Variants in ZNF677 observed in about 807,000 individuals in gnomAD.
ZNF677 encodes hypothetical protein MGC48625.
A neutral mutation model predicts 8.1 loss-of-function variants in ZNF677; 5 were observed. The observed-to-expected ratio is 0.62, with a 90% confidence interval of 0.32 to 1.29. The LOEUF (loss-of-function observed/expected upper bound fraction) is 1.29. ZNF677 is among the 50% of genes most tolerant of loss of function. The probability of loss-of-function intolerance (pLI) is 0.05; values close to 1 mark genes in which losing one functional copy is unlikely to be tolerated. For missense variants in ZNF677, 685 were observed against 685.9 expected (o/e 1.00, Z 0.01); for synonymous variants, 221 against 225.6 (o/e 0.98, Z 0.18).
At chr19:53,239,942 G>C (rs1332244795) in intron 4 of ZNF677, 1 of 152,252 alleles carries the variant, frequency 6.6e-6, no homozygotes, top group Non-Finnish European at 1.5e-5. Flanking sequence ...TGGCCACCCA[G>C]GGCAGCACGG....
chr19:53,249,202 C>T (rs1045934870), intron 3 of ZNF677: 7 of 152,128 alleles, frequency 4.6e-5, no homozygotes, highest in Admixed American at 2.0e-4. Context: ...CTTTGTCCAC[C>T]GTTTACTTCA....
chr19:53,241,463 C>T (rs1437856459), intron 4 of ZNF677: 5 of 185,766 alleles, frequency 2.7e-5, no homozygotes, highest in African/African-American at 4.7e-5. Context: ...TACAACTGCA[C>T]GTATGGGATG....
intron 3 of ZNF677, among the ~76,000 whole-genome samples, chr19:53,247,844 T>C (rs1446240429): frequency 1.3e-5 from 2 of 152,228 alleles, no homozygotes; most frequent in African/African-American, 4.8e-5. Flanking sequence ...TATTATACTT[T>C]CCAGGCTATT....
In ZNF677 at chr19:53,251,562, C is replaced by CTTTCTTTCCTCTTCCTCTGAG. The variant is rs1397803914; in HGVS notation, c.-33_-13dup. 2.1e-5 allele frequency: 34 copies of CTTTCTTTCCTCTTCCTCTGAG among 1,613,696 alleles called. No individual in the cohort carries two copies. Among genetic ancestry groups the CTTTCTTTCCTCTTCCTCTGAG allele is most frequent in the Non-Finnish European group, 2.8e-5 (33 of 1,179,756 alleles). ...TGAGAAAGAGCCATTCCCTCCTCTTCTTTCTTTCCTCTTCCTCTGAGTTTC... is the reference window on the plus strand; with the variant it reads ...TGAGAAAGAGCCATTCCCTCCTCTTCTTTCTTTCCTCTTCCTCTGAGTTTCTTTCCTCTTCCTCTGAGTTTC... On this transcript the variant is annotated 5_prime_UTR_variant, in exon 3 of 5. Coordinates refer to ENST00000598513, the MANE Select transcript of ZNF677 (RefSeq NM_182609.4).
intron 2 of ZNF677, among the ~76,000 whole-genome samples, chr19:53,252,552 C>T (rs2091251482): frequency 6.6e-6 from 1 of 152,116 alleles, no homozygotes; most frequent in Non-Finnish European, 1.5e-5. Flanking sequence ...TTTAATTGAT[C>T]CCAAGGATTT....
intron 3 of ZNF677, among the ~76,000 whole-genome samples, chr19:53,250,864 A>C (rs1341789638): frequency 6.6e-6 from 1 of 152,236 alleles, no homozygotes; most frequent in Admixed American, 6.5e-5. Flanking sequence ...CCACTGCATG[A>C]GAATTCCCAA....
chr19:53,240,408 G>T (rs559274966), intron 4 of ZNF677: 2 of 152,082 alleles, frequency 1.3e-5, no homozygotes, highest in Admixed American at 6.6e-5. Context: ...CACCACGCCC[G>T]GCTTATTTTC....
Position 53,243,886 on chromosome 19 carries a change from T to A in ZNF677, c.27A>T (p.Thr9=). 1 of 1,594,710 alleles carries A rather than the reference T, an allele frequency of 6.3e-7. No homozygotes were observed. The highest frequency in any genetic ancestry group is 8.5e-7 in the Non-Finnish European group (1 of 1,173,674). Residue 9 remains threonine (T), a synonymous_variant, in exon 4 of 5, where the codon ACA becomes ACT. Transcript: ENST00000598513. The part of the protein sequence containing the change: MALSQGLF[T]FKDVAIEFSQ... ...AGAATTCTATGGCCACATCCTTGAA[T>A]GTAAACAGTCCCTGAAATAAAAACA...
chr19:53,242,253 A>T, intron 4 of ZNF677: 1 of 398,544 alleles, frequency 2.5e-6, no homozygotes, highest in Non-Finnish European at 4.4e-6. Flanking sequence ...TTCAAAAGCA[A>T]CTTTCAGAGG....
chr19:53,244,905 A>C (rs2091112295), intron 3 of ZNF677, among the ~76,000 whole-genome samples: 1 of 152,172 alleles, frequency 6.6e-6, no homozygotes, highest in Non-Finnish European at 1.5e-5. Flanking sequence ...ATAGACACAC[A>C]AAACAAAAGT....
chr19:53,241,757 T>C (rs1270645370), intron 4 of ZNF677: 1 of 398,056 alleles, frequency 2.5e-6, no homozygotes, highest in Non-Finnish European at 4.4e-6. Flanking sequence ...GAGGCACCTC[T>C]ATGTAGCAGA....
intron 1 of ZNF677, among the ~76,000 whole-genome samples, chr19:53,254,361 G>GC (rs2091282146): frequency 6.6e-6 from 1 of 151,878 alleles, no homozygotes; most frequent in South Asian, 2.1e-4. Context: ...AGAGTGTTTG[G>GC]CCCCATCCTG....
chr19:53,237,571 C>T lies in ZNF677; in HGVS notation c.1156G>A (p.Glu386Lys), dbSNP rs368860674. 4 of 1,613,400 alleles carry T rather than the reference C, an allele frequency of 2.5e-6. No homozygotes were observed. The highest frequency in any genetic ancestry group is 3.4e-6 in the Non-Finnish European group (4 of 1,179,818). The change falls in exon 5 of 5, where the codon GAA becomes AAA. Residue 386 changes from glutamate (E) to lysine (K), a missense_variant. Transcript: ENST00000598513. ...KCNECDKAFA[E>K]RSSLTQHKRI... ...TTATGTTGGGTAAGGCTTGAACGTT[C>T]AGCAAAGGCTTTGTCACATTCATTA...
intron 3 of ZNF677, among the ~76,000 whole-genome samples, chr19:53,251,231 A>C (rs1475983523): frequency 3.3e-5 from 5 of 152,182 alleles, no homozygotes; most frequent in African/African-American, 7.2e-5. Flanking sequence ...TATCCAAATG[A>C]AGTCTCTAAA....
intron 2 of ZNF677, among the ~76,000 whole-genome samples, chr19:53,252,592 A>G (rs1008263001): frequency 1.6e-4 from 24 of 152,190 alleles, no homozygotes; most frequent in Admixed American, 1.5e-3. Flanking sequence ...ATTCAAAAAT[A>G]TGAAATTACA....
At chr19:53,253,986 A>G (rs1351444821) in intron 1 of ZNF677, among the ~76,000 whole-genome samples, 1 of 152,176 alleles carries the variant, frequency 6.6e-6, no homozygotes, top group Non-Finnish European at 1.5e-5. Flanking sequence ...GCTGGAATTA[A>G]CTGAGCTAAG....
chr19:53,254,119 A>G (rs2091277948), intron 1 of ZNF677, among the ~76,000 whole-genome samples: 1 of 152,190 alleles, frequency 6.6e-6, no homozygotes. Flanking sequence ...CAAATTTTAA[A>G]TTAATTATAG....
chr19:53,237,246 T>C lies in ZNF677; in HGVS notation c.1481A>G (p.Lys494Arg). 6.2e-7 allele frequency: 1 copy of C among 1,613,890 alleles called. No individual in the cohort carries two copies. The highest frequency in any genetic ancestry group is 8.5e-7 in the Non-Finnish European group (1 of 1,179,948). Residue 494 changes from lysine to arginine, a missense_variant, in exon 5 of 5, where the codon AAA becomes AGA. Transcript: ENST00000598513. Reference protein sequence around the residue: ...EKPYKCTECGKAFTERSNLTQ... With the variant: ...EKPYKCTECGRAFTERSNLTQ... Reference sequence around the variant, plus strand: ...AAGATTTGAACGTTCAGTAAAGGCTTTGCCACATTCAGTACATTTGTAAGG... The same window carrying C: ...AAGATTTGAACGTTCAGTAAAGGCTCTGCCACATTCAGTACATTTGTAAGG...
intron 1 of ZNF677, among the ~76,000 whole-genome samples, chr19:53,253,467 C>T (rs2091266203): frequency 6.6e-6 from 1 of 152,172 alleles, no homozygotes. Flanking sequence ...GGAGACAGAT[C>T]ACCTGAGGTC....
Sources: gnomAD v4.1 joint callset for allele counts (sites outside exome capture counted in the v4.1 genomes callset) on GRCh38, gnomAD v4.1.1 for gene constraint, MANE v1.5 for transcripts, NCBI Gene and HGNC (gene_info 2026-07-23, HGNC 2026-07-21) for gene names.